ADGRB3: variants seen among roughly 807,000 people sequenced by gnomAD.
ADGRB3 encodes the protein adhesion G protein-coupled receptor B3.
A neutral mutation model predicts 193.4 loss-of-function variants in ADGRB3; 37 were observed. The observed-to-expected ratio is 0.19, with a 90% confidence interval of 0.15 to 0.25. The LOEUF (loss-of-function observed/expected upper bound fraction) is 0.25, where lower values mean the gene tolerates loss of function less well. Ranked by LOEUF, ADGRB3 falls within the 10% of genes least tolerant of loss-of-function variation. ADGRB3 has a pLI of 1.00. For missense variants in ADGRB3, 1,637 were observed against 1,852.9 expected (o/e 0.88, Z 2.14); for synonymous variants, 690 against 644.2 (o/e 1.07, Z -1.08).
intron 17 of ADGRB3, among the ~76,000 whole-genome samples, chr6:69,082,974 A>G (rs1203896258): frequency 6.6e-6 from 1 of 152,194 alleles, no homozygotes; most frequent in Admixed American, 6.5e-5. Context: ...AGCTAAATAG[A>G]GTCTAGAGGT....
chr6:69,339,423 A>G lies in ADGRB3; in HGVS notation c.3378A>G (p.Ile1126Met). 6.2e-7 allele frequency: 1 copy of G among 1,613,958 alleles called. No homozygotes were observed. Among genetic ancestry groups the G allele is most frequent in the Non-Finnish European group, 8.5e-7 (1 of 1,179,922 alleles). The change falls in exon 26 of 32, where the codon ATA (isoleucine) becomes ATG (methionine). Residue 1126 changes from isoleucine to methionine, a missense_variant. This residue lies in a region of ADGRB3 where 116 missense variants were observed against 168.1 expected (regional missense o/e 0.69). Coordinates refer to ENST00000370598, the MANE Select transcript of ADGRB3 (RefSeq NM_001704.3). ...TGGCCATGACAGATAAACGCTCCAT[A>G]TTGTTTCAAATACTTTTTGCTGTGT... ...AVLAMTDKRS[I>M]LFQILFAVFD...
intron 3 of ADGRB3, among the ~76,000 whole-genome samples, chr6:68,915,206 G>A (rs1161749190): frequency 6.6e-6 from 1 of 152,078 alleles, no homozygotes. Flanking sequence ...GCACATATTA[G>A]CTACGTAATG....
intron 17 of ADGRB3, among the ~76,000 whole-genome samples, chr6:69,228,586 C>T (rs2127254490): frequency 6.6e-6 from 1 of 152,234 alleles, no homozygotes; most frequent in East Asian, 1.9e-4. Context: ...TAACTCCAGG[C>T]CCAACATAGT....
At chr6:69,259,463 A>T (rs1283353844) in intron 20 of ADGRB3, among the ~76,000 whole-genome samples, 2 of 152,126 alleles carry the variant, frequency 1.3e-5, no homozygotes, top group Admixed American at 1.3e-4. Context: ...TGGGAGGCCA[A>T]GGTGGGCGGA....
chr6:68,790,071 C>T (rs1233539413), intron 3 of ADGRB3, among the ~76,000 whole-genome samples: 2 of 151,956 alleles, frequency 1.3e-5, no homozygotes, highest in Non-Finnish European at 2.9e-5. Flanking sequence ...TTTTTCAAAG[C>T]TTTTAACTTC....
intron 17 of ADGRB3, among the ~76,000 whole-genome samples, chr6:69,229,080 T>A (rs1766080747): frequency 6.6e-6 from 1 of 152,176 alleles, no homozygotes; most frequent in Non-Finnish European, 1.5e-5. Context: ...AGATGATCAC[T>A]AAAGTTACTT....
intron 3 of ADGRB3, among the ~76,000 whole-genome samples, chr6:68,728,449 A>G (rs1470710561): frequency 1.3e-5 from 2 of 151,554 alleles, no homozygotes; most frequent in Admixed American, 1.3e-4. Flanking sequence ...TCTCTTCCAC[A>G]GCTACTGGAG....
At chr6:69,134,075 C>T (rs1774085394) in intron 17 of ADGRB3, among the ~76,000 whole-genome samples, 1 of 151,924 alleles carries the variant, frequency 6.6e-6, no homozygotes. Flanking sequence ...TTTTCTTTAT[C>T]CATTCATTGG....
At chr6:69,062,270 C>G (rs2150307715) in intron 15 of ADGRB3, among the ~76,000 whole-genome samples, 1 of 151,670 alleles carries the variant, frequency 6.6e-6, no homozygotes, top group East Asian at 1.9e-4. Flanking sequence ...TTCTTGTAAA[C>G]TATAGATATG....
intron 11 of ADGRB3, among the ~76,000 whole-genome samples, chr6:69,003,629 G>C (rs894364579): frequency 6.6e-6 from 1 of 151,886 alleles, no homozygotes; most frequent in Admixed American, 6.6e-5. Context: ...GTTTCTCTGT[G>C]GTATAGAAAG....
At chr6:69,304,798 C>T (rs2127298021) in intron 20 of ADGRB3, among the ~76,000 whole-genome samples, 1 of 151,530 alleles carries the variant, frequency 6.6e-6, no homozygotes, top group South Asian at 2.1e-4. Context: ...TTTCTATTGG[C>T]ATTCTTTGTT....
At chr6:68,958,869 TAGTG>T (rs1248282492) in intron 8 of ADGRB3, among the ~76,000 whole-genome samples, 14 of 86,994 alleles carry the variant, frequency 1.6e-4, no homozygotes, top group African/African-American at 5.3e-4. Flanking sequence ...CAAAGAAAAA[TAGTG>T]TGTGTGTGTG....
intron 3 of ADGRB3, among the ~76,000 whole-genome samples, chr6:68,929,191 G>T (rs1767268938): frequency 6.6e-6 from 1 of 152,064 alleles, no homozygotes; most frequent in Admixed American, 6.6e-5. Flanking sequence ...GGATATTGCC[G>T]AATTCTAAGC....
At chr6:69,186,751 G>A (rs1561946119) in intron 17 of ADGRB3, among the ~76,000 whole-genome samples, 1 of 151,940 alleles carries the variant, frequency 6.6e-6, no homozygotes, top group Non-Finnish European at 1.5e-5. Context: ...ATTTCAGTCT[G>A]TAAGAGTATG....
At chr6:69,312,696 A>G (rs919042043) in intron 20 of ADGRB3, among the ~76,000 whole-genome samples, 3 of 151,760 alleles carry the variant, frequency 2.0e-5, no homozygotes, top group South Asian at 2.1e-4. Context: ...TTGCTTAAAA[A>G]AATACATTTT....
chr6:68,905,411 CTT>C (rs1167820461), intron 3 of ADGRB3, among the ~76,000 whole-genome samples: 4 of 152,254 alleles, frequency 2.6e-5, no homozygotes, highest in African/African-American at 9.6e-5. Flanking sequence ...TGAGACATCT[CTT>C]TATTTTCTAT....
chr6:69,028,515 C>G (rs1770507903), intron 13 of ADGRB3, among the ~76,000 whole-genome samples: 3 of 152,172 alleles, frequency 2.0e-5, no homozygotes, highest in Middle Eastern at 6.8e-3. Context: ...AAACACTGAT[C>G]ATGTTATGAT....
intron 20 of ADGRB3, among the ~76,000 whole-genome samples, chr6:69,252,215 ATTG>A (rs1766638929): frequency 6.6e-6 from 1 of 152,084 alleles, no homozygotes; most frequent in Non-Finnish European, 1.5e-5. Context: ...AAGCAACTAT[ATTG>A]TTGTATGTAT....
At chr6:69,272,651 A>G (rs1042829716) in intron 20 of ADGRB3, among the ~76,000 whole-genome samples, 48 of 152,276 alleles carry the variant, frequency 3.2e-4, no homozygotes, top group African/African-American at 1.1e-3. Context: ...CACAAAATTG[A>G]CTAAAATGTG....
Sources: allele counts gnomAD v4.1 joint callset (sites outside exome capture counted in the v4.1 genomes callset), GRCh38; gene constraint gnomAD v4.1.1; regional missense constraint gnomAD v4.1.1; transcripts MANE v1.5; gene names NCBI Gene and HGNC (gene_info 2026-07-23, HGNC 2026-07-21).